ARB2A: variants seen among roughly 807,000 people sequenced by gnomAD.
ARB2A encodes the protein cotranscriptional regulator ARB2A.
the ARB2A span, among the ~76,000 whole-genome samples, chr5:93,950,330 C>T: frequency 6.6e-6 from 1 of 152,272 alleles, no homozygotes; most frequent in Non-Finnish European, 1.5e-5. Flanking sequence ...TACCTTTCTA[C>T]CAACAGTGTA....
the ARB2A span, among the ~76,000 whole-genome samples, chr5:93,930,613 G>A: frequency 6.6e-6 from 1 of 152,138 alleles, no homozygotes; most frequent in South Asian, 2.1e-4. Context: ...AAGAGCAGAG[G>A]TGATGTAAGA....
chr5:93,960,310 T>C, the ARB2A span, among the ~76,000 whole-genome samples: 13 of 152,122 alleles, frequency 8.5e-5, no homozygotes, highest in Non-Finnish European at 5.9e-5. Flanking sequence ...TAACACCTTT[T>C]CATTGAAGCC....
chr5:93,744,936 G>A, the ARB2A span, among the ~76,000 whole-genome samples: 1 of 152,182 alleles, frequency 6.6e-6, no homozygotes, highest in Non-Finnish European at 1.5e-5. Context: ...CTAAATGAGG[G>A]AGAAGAGAAA....
chr5:93,814,290 C>A, the ARB2A span, among the ~76,000 whole-genome samples: 1 of 151,916 alleles, frequency 6.6e-6, no homozygotes, highest in Non-Finnish European at 1.5e-5. Flanking sequence ...ATGGCATAAA[C>A]CCATGAAAAT....
chr5:93,925,929 T>C, the ARB2A span, among the ~76,000 whole-genome samples: 5 of 152,208 alleles, frequency 3.3e-5, no homozygotes, highest in South Asian at 2.1e-4. Context: ...CTCCATTCTG[T>C]TAAACAATCA....
the ARB2A span, among the ~76,000 whole-genome samples, chr5:93,859,707 A>C: frequency 2.6e-5 from 4 of 152,222 alleles, no homozygotes; most frequent in African/African-American, 9.6e-5. Context: ...AAAAACGAAA[A>C]CATATACAAC....
chr5:93,800,610 G>A, the ARB2A span, among the ~76,000 whole-genome samples: 1 of 152,128 alleles, frequency 6.6e-6, no homozygotes, highest in East Asian at 1.9e-4. Flanking sequence ...TTAAAAGTGC[G>A]TATTAAAACA....
the ARB2A span, among the ~76,000 whole-genome samples, chr5:93,750,118 T>A: frequency 1.3e-5 from 2 of 152,198 alleles, no homozygotes; most frequent in Non-Finnish European, 2.9e-5. Context: ...TACATCTTTG[T>A]GTAATTCAAG....
At chr5:93,656,720 G>C in the ARB2A span, among the ~76,000 whole-genome samples, 2 of 151,996 alleles carry the variant, frequency 1.3e-5, no homozygotes, top group African/African-American at 4.8e-5. Context: ...CCCAAACAAA[G>C]ACAGACCAAC....
the ARB2A span, among the ~76,000 whole-genome samples, chr5:93,753,322 G>A: frequency 6.6e-6 from 1 of 152,260 alleles, no homozygotes; most frequent in Non-Finnish European, 1.5e-5. Context: ...TCCTCAAGAG[G>A]TATTTTCAGC....
the ARB2A span, among the ~76,000 whole-genome samples, chr5:93,719,512 C>T: frequency 4.2e-4 from 64 of 152,068 alleles, no homozygotes; most frequent in African/African-American, 1.5e-3. Flanking sequence ...CTGGGGAGAA[C>T]AATCAATTAA....
chr5:93,672,317 TC>T, the ARB2A span, among the ~76,000 whole-genome samples: 2 of 149,558 alleles, frequency 1.3e-5, no homozygotes, highest in East Asian at 4.0e-4. Context: ...TCACTAATGT[TC>T]TTTTTTTTTT....
the ARB2A span, among the ~76,000 whole-genome samples, chr5:94,020,282 A>C: frequency 8.1e-6 from 1 of 122,792 alleles, no homozygotes; most frequent in Admixed American, 8.7e-5. Flanking sequence ...GTTGGTGGGT[A>C]GGGGGCTGGG....
At chr5:93,682,024 T>C in the ARB2A span, among the ~76,000 whole-genome samples, 21 of 152,320 alleles carry the variant, frequency 1.4e-4, no homozygotes, top group African/African-American at 5.0e-4. Context: ...TTATTTAATG[T>C]TTTCTTCATT....
At chr5:93,837,134 A>C in the ARB2A span, among the ~76,000 whole-genome samples, 1 of 151,568 alleles carries the variant, frequency 6.6e-6, no homozygotes, top group East Asian at 1.9e-4. Flanking sequence ...CCCTCCTCCC[A>C]CTCCACCCTC....
the ARB2A span, among the ~76,000 whole-genome samples, chr5:93,802,222 T>C: frequency 6.6e-6 from 1 of 152,070 alleles, no homozygotes; most frequent in African/African-American, 2.4e-5. Flanking sequence ...ATTAGGTATC[T>C]AGAGAGTGAT....
the ARB2A span, among the ~76,000 whole-genome samples, chr5:93,758,069 G>A: frequency 6.6e-6 from 1 of 152,058 alleles, no homozygotes; most frequent in Non-Finnish European, 1.5e-5. Context: ...CATGCAAATG[G>A]ACGCCAAAAG....
chr5:93,684,742 G>C, the ARB2A span, among the ~76,000 whole-genome samples: 1 of 151,986 alleles, frequency 6.6e-6, no homozygotes, highest in African/African-American at 2.4e-5. Flanking sequence ...TGAATTTCTG[G>C]TATATGTAAC....
the ARB2A span, among the ~76,000 whole-genome samples, chr5:93,877,820 A>G: frequency 2.6e-5 from 4 of 152,118 alleles, no homozygotes; most frequent in African/African-American, 9.7e-5. Context: ...TGGATTCAGG[A>G]AAGAACAGAA....
Sources: gnomAD v4.1 joint callset for allele counts (sites outside exome capture counted in the v4.1 genomes callset) on GRCh38, gnomAD v4.1.1 for gene constraint, MANE v1.5 for transcripts, NCBI Gene and HGNC (gene_info 2026-07-23, HGNC 2026-07-21) for gene names.